Variants in CTNNBL1 observed in about 807,000 individuals in gnomAD.
CTNNBL1 encodes the protein catenin beta like 1, also known as beta-catenin-like protein 1.
CTNNBL1 carries 31 observed loss-of-function variants against 72.7 expected under a neutral mutation model. The ratio of observed to expected loss-of-function variants is 0.43; its 90% CI spans 0.32 to 0.58. CTNNBL1 has a LOEUF of 0.58. Ranked by LOEUF, CTNNBL1 falls within the 20% of genes least tolerant of loss-of-function variation. CTNNBL1 has a pLI of 0.08. For synonymous variants in CTNNBL1, 240 were observed against 267.3 expected (o/e 0.90, Z 1.00); for missense variants, 534 against 725.1 (o/e 0.74, Z 3.03).
intron 1 of CTNNBL1, among the ~76,000 whole-genome samples, chr20:37,728,500 C>G (rs889803476): frequency 1.3e-5 from 2 of 152,136 alleles, no homozygotes; most frequent in Non-Finnish European, 2.9e-5. Context: ...CATCACAGTA[C>G]CTCATATGGT....
intron 1 of CTNNBL1, among the ~76,000 whole-genome samples, chr20:37,718,835 G>C (rs940467447): frequency 1.3e-5 from 2 of 152,224 alleles, no homozygotes; most frequent in African/African-American, 4.8e-5. Flanking sequence ...AGCAGGGAGA[G>C]CTGATGCAAA....
At chr20:37,702,870 T>C (rs2072855930) in intron 1 of CTNNBL1, among the ~76,000 whole-genome samples, 1 of 152,332 alleles carries the variant, frequency 6.6e-6, no homozygotes, top group South Asian at 2.1e-4. Flanking sequence ...TGTTTAATGA[T>C]TGAATGAACT....
At chr20:37,833,013 A>G (rs1402033541) in intron 11 of CTNNBL1, among the ~76,000 whole-genome samples, 1 of 152,182 alleles carries the variant, frequency 6.6e-6, no homozygotes, top group Non-Finnish European at 1.5e-5. Flanking sequence ...ACATTTGTGT[A>G]TGTGTTTCGG....
intron 7 of CTNNBL1, among the ~76,000 whole-genome samples, chr20:37,772,724 A>C (rs377049373): frequency 2.6e-4 from 40 of 152,184 alleles, no homozygotes; most frequent in African/African-American, 9.2e-4. Context: ...TAGAGTAATT[A>C]TGTCTAGATT....
chr20:37,828,285 G>A (rs564864431), intron 11 of CTNNBL1, among the ~76,000 whole-genome samples: 2 of 152,198 alleles, frequency 1.3e-5, no homozygotes, highest in East Asian at 1.9e-4. Flanking sequence ...TGCAGAGAAC[G>A]AGAGCTCATC....
intron 4 of CTNNBL1, chr20:37,750,535 T>G (rs2122632585): frequency 6.6e-6 from 1 of 152,340 alleles, no homozygotes; most frequent in South Asian, 2.1e-4. Flanking sequence ...CATTTAAAGA[T>G]ATTTTCTTAA....
chr20:37,733,197 G>C (rs549428893), intron 2 of CTNNBL1, 130 bp downstream of exon 2: 2 of 775,898 alleles, frequency 2.6e-6, no homozygotes, highest in Non-Finnish European at 4.1e-6. Flanking sequence ...ATATTTCATC[G>C]CGTTAATGTG....
At chr20:37,787,087 T>C (rs907172316) in intron 10 of CTNNBL1, among the ~76,000 whole-genome samples, 1 of 151,998 alleles carries the variant, frequency 6.6e-6, no homozygotes, top group Non-Finnish European at 1.5e-5. Context: ...TGGATTTTTT[T>C]TTTTCTGTTT....
chr20:37,765,854 T>C lies in CTNNBL1; in HGVS notation c.658+564T>C, dbSNP rs954952961. On this transcript the variant is annotated intron_variant, in intron 6 of 15. Transcript: ENST00000361383. ...GATTCCTCTGTAGTATTTCTCCTCTTCCTTCTCCTCCTTGAATCTCCCCAG... is the reference window on the plus strand; with the variant it reads ...GATTCCTCTGTAGTATTTCTCCTCTCCCTTCTCCTCCTTGAATCTCCCCAG... 2.0e-5 allele frequency among the ~76,000 whole-genome samples: 3 copies of C among 152,318 alleles called. No individual in the cohort carries two copies. The East Asian group carries it at 5.8e-4, about 29-fold the overall frequency.
chr20:37,736,334 CA>C (rs2073171176), intron 2 of CTNNBL1, among the ~76,000 whole-genome samples: 1 of 152,192 alleles, frequency 6.6e-6, no homozygotes, highest in Admixed American at 6.5e-5. Flanking sequence ...TGCAGTTTGC[CA>C]ACTTCTGCTG....
intron 10 of CTNNBL1, among the ~76,000 whole-genome samples, chr20:37,798,424 C>T (rs1018405983): frequency 6.6e-6 from 1 of 152,144 alleles, no homozygotes; most frequent in African/African-American, 2.4e-5. Flanking sequence ...CTGGCGTGAT[C>T]GACAGCCTGA....
Position 37,765,214 on chromosome 20 carries a change from A to T in CTNNBL1, c.582A>T (p.Val194=). 1 of 1,551,368 alleles carries T rather than the reference A, an allele frequency of 6.4e-7. No individual in the cohort carries two copies. Among genetic ancestry groups the T allele is most frequent in the Non-Finnish European group, 8.7e-7 (1 of 1,146,700 alleles). ...TCTTGCAGGTGGATGGGCAGGTGGTAGCACTGCTGGTACAGAATCTGGAGC... is the reference window on the plus strand; with the variant it reads ...TCTTGCAGGTGGATGGGCAGGTGGTTGCACTGCTGGTACAGAATCTGGAGC... ...LIDALVDGQV[V]ALLVQNLERL... The change falls in exon 6 of 16, where the codon GTA becomes GTT. Residue 194 remains valine, a synonymous_variant. Transcript: ENST00000361383.
intron 1 of CTNNBL1, among the ~76,000 whole-genome samples, chr20:37,726,986 G>A (rs956407798): frequency 2.6e-5 from 4 of 152,110 alleles, no homozygotes; most frequent in Non-Finnish European, 4.4e-5. Context: ...CCATAAATGT[G>A]ATAATATAGA....
chr20:37,724,844 G>A (rs2073069444), intron 1 of CTNNBL1, among the ~76,000 whole-genome samples: 1 of 151,246 alleles, frequency 6.6e-6, no homozygotes, highest in East Asian at 1.9e-4. Context: ...TTTGTTTGTT[G>A]TCATTGTGTC....
At chr20:37,778,733 A>G (rs924652143) in intron 9 of CTNNBL1, among the ~76,000 whole-genome samples, 6 of 152,190 alleles carry the variant, frequency 3.9e-5, no homozygotes, top group Admixed American at 3.3e-4. Flanking sequence ...TAGAAGGGAA[A>G]GAAATGAGAT....
At chr20:37,843,759 G>C (rs1435843569) in intron 13 of CTNNBL1, among the ~76,000 whole-genome samples, 4 of 152,148 alleles carry the variant, frequency 2.6e-5, no homozygotes, top group Non-Finnish European at 5.9e-5. Context: ...TATCATTCAT[G>C]AACACCAGCA....
Position 37,767,705 on chromosome 20 carries a change from A to G in CTNNBL1, c.659-248A>G, listed in dbSNP as rs865973010. Among the ~76,000 whole-genome samples, 32 of 152,284 alleles carry G rather than the reference A, an allele frequency of 2.1e-4. 1 individual carries two copies. The highest frequency in any genetic ancestry group is 6.8e-3 in the Middle Eastern group (2 of 294). On this transcript the variant is annotated intron_variant, in intron 6 of 15. Transcript: ENST00000361383. ...CGCTCTAGTGTTGTTCCCTATTAGC[A>G]TGGAAAATCTATCACTTAGCTCTTT...
At chr20:37,820,166 C>T (rs941834087) in intron 11 of CTNNBL1, among the ~76,000 whole-genome samples, 6 of 152,162 alleles carry the variant, frequency 3.9e-5, no homozygotes, top group African/African-American at 7.2e-5. Context: ...CATGAGCCAC[C>T]GCACCCTGCC....
chr20:37,774,507 A>G (rs952682374), intron 7 of CTNNBL1, among the ~76,000 whole-genome samples: 1 of 152,150 alleles, frequency 6.6e-6, no homozygotes, highest in East Asian at 1.9e-4. Flanking sequence ...CTTCATGCCA[A>G]TTTCTCAGTC....
Sources: gnomAD v4.1 joint callset for allele counts (sites outside exome capture counted in the v4.1 genomes callset) on GRCh38, gnomAD v4.1.1 for gene constraint, MANE v1.5 for transcripts, NCBI Gene and HGNC (gene_info 2026-07-23, HGNC 2026-07-21) for gene names.